MPPED2: variants seen among roughly 807,000 people sequenced by gnomAD.
MPPED2 encodes the protein metallophosphoesterase MPPED2.
MPPED2 carries 5 observed loss-of-function variants against 33.0 expected under a neutral mutation model. The ratio of observed to expected loss-of-function variants is 0.15; its 90% confidence interval spans 0.08 to 0.32. The LOEUF (loss-of-function observed/expected upper bound fraction) is 0.32, where lower values mean the gene tolerates loss of function less well. Ranked by LOEUF, MPPED2 falls within the 10% of genes least tolerant of loss-of-function variation. The pLI, the probability that MPPED2 is intolerant of heterozygous loss-of-function variation, is 1.00. For missense variants in MPPED2, 275 were observed against 372.1 expected, an observed-to-expected ratio of 0.74 and a Z score of 2.15; for synonymous variants, 136 against 141.9, an observed-to-expected ratio of 0.96 and a Z score of 0.29.
intron 4 of MPPED2, among the ~76,000 whole-genome samples, chr11:30,483,895 G>A (rs1411644705): frequency 2.6e-5 from 4 of 152,022 alleles, no homozygotes; most frequent in Non-Finnish European, 5.9e-5. Context: ...AATGTAGAGA[G>A]AAAAACAATA....
At chr11:30,407,256 T>C (rs182294699), downstream of MPPED2, among the ~76,000 whole-genome samples, 98 of 152,276 alleles carry the variant, frequency 6.4e-4, no homozygotes, top group Middle Eastern at 0.021. Context: ...AATTCACTAA[T>C]TGCACTAAAA....
intron 4 of MPPED2, among the ~76,000 whole-genome samples, chr11:30,427,796 T>A (rs965530075): frequency 2.0e-5 from 3 of 152,200 alleles, no homozygotes; most frequent in African/African-American, 7.2e-5. Context: ...GGAAAGATTA[T>A]GGGTGATGTG....
chr11:30,437,101 T>C (rs1273224075), intron 4 of MPPED2, among the ~76,000 whole-genome samples: 3 of 152,156 alleles, frequency 2.0e-5, no homozygotes, highest in Admixed American at 2.0e-4. Context: ...GTGGCCTCTA[T>C]CAGGAAATTA....
intron 4 of MPPED2, among the ~76,000 whole-genome samples, chr11:30,479,482 G>T (rs944903205): frequency 2.0e-5 from 3 of 152,024 alleles, no homozygotes; most frequent in African/African-American, 7.2e-5. Context: ...GAAAAGTAAG[G>T]CTTCCCTCCC....
chr11:30,508,038 A>G (rs1430385140), intron 3 of MPPED2, among the ~76,000 whole-genome samples: 1 of 152,152 alleles, frequency 6.6e-6, no homozygotes, highest in East Asian at 1.9e-4. Flanking sequence ...AAATTTATCA[A>G]GAGATAAATT....
chr11:30,410,316 A>G lies in MPPED2; in HGVS notation c.*1152T>C. ...AGAAACAACTGCTTTCCTAAATTTC[A>G]TTAACAAAGTAACATAAAATAGAAT... On this transcript the variant is annotated 3_prime_UTR_variant, in exon 7 of 7. Coordinates refer to ENST00000358117, the MANE Select transcript of MPPED2 (RefSeq NM_001584.3). 2 of 985,500 alleles carry G rather than the reference A, an allele frequency of 2.0e-6. No individual in the cohort carries two copies. The highest frequency in any genetic ancestry group is 1.2e-6 in the Non-Finnish European group (1 of 829,586). The allele number at this position is 985,500 out of a possible 1,614,324, so 61.0% of individuals were successfully genotyped here.
intron 6 of MPPED2, among the ~76,000 whole-genome samples, chr11:30,395,922 C>A (rs905720492): frequency 7.9e-5 from 12 of 152,224 alleles, no homozygotes; most frequent in South Asian, 2.1e-4. Flanking sequence ...TCCTCAAACA[C>A]TCTACACTGT....
intron 4 of MPPED2, among the ~76,000 whole-genome samples, chr11:30,453,492 C>T (rs1362788117): frequency 6.6e-6 from 1 of 152,174 alleles, no homozygotes; most frequent in South Asian, 2.1e-4. Context: ...TTCAAGACTG[C>T]CTGTTTTTGT....
At chr11:30,558,347 C>G (rs1204679281) in intron 2 of MPPED2, among the ~76,000 whole-genome samples, 1 of 152,008 alleles carries the variant, frequency 6.6e-6, no homozygotes. Context: ...TAAGAACTGC[C>G]TTACTTATAT....
rs528462364 is a variant in MPPED2 at position 30,466,816 on chromosome 11, T to C, written c.536+28480A>G. On this transcript the variant is annotated intron_variant, in intron 4 of 6. Transcript: ENST00000358117. ...AAATGCATTTGGAAGAGATAATTGT[T>C]AAGGCCTATACAAGCATAACATTTA... Among the ~76,000 whole-genome samples, 54 of 152,330 alleles carry C rather than the reference T, an allele frequency of 3.5e-4. 1 individual carries two copies. Among genetic ancestry groups the C allele is most frequent in the African/African-American group, 1.3e-3 (53 of 41,582 alleles).
At chr11:30,583,066 C>A (rs1026931286) in intron 1 of MPPED2, among the ~76,000 whole-genome samples, 3 of 150,342 alleles carry the variant, frequency 2.0e-5, no homozygotes, top group African/African-American at 7.4e-5. Context: ...CTATGTTCAT[C>A]CCCACCCGTA....
chr11:30,494,737 CA>C (rs767500886), intron 4 of MPPED2, among the ~76,000 whole-genome samples: 84 of 47,610 alleles, frequency 1.8e-3, no homozygotes, highest in African/African-American at 3.7e-3. Context: ...TACTCCACCT[CA>C]AAAAAAAAAA....
intron 4 of MPPED2, among the ~76,000 whole-genome samples, chr11:30,460,318 A>G (rs920872529): frequency 2.0e-5 from 3 of 152,060 alleles, no homozygotes; most frequent in Non-Finnish European, 4.4e-5. Context: ...ATGGAGAAAA[A>G]CCTTTACTGA....
intron 1 of MPPED2, among the ~76,000 whole-genome samples, chr11:30,583,158 T>C (rs1957265946): frequency 8.3e-6 from 1 of 120,834 alleles, no homozygotes; most frequent in Non-Finnish European, 1.7e-5. Context: ...TTTTTTTTTT[T>C]TTTTTTTGGT....
intron 1 of MPPED2, among the ~76,000 whole-genome samples, chr11:30,582,235 AT>A (rs1957200586): frequency 1.3e-5 from 2 of 152,222 alleles, no homozygotes; most frequent in African/African-American, 4.8e-5. Context: ...AAACTGCATA[AT>A]TGCGTCGCGC....
intron 4 of MPPED2, among the ~76,000 whole-genome samples, chr11:30,477,372 TA>T (rs1197702897): frequency 6.6e-6 from 1 of 152,166 alleles, no homozygotes; most frequent in Non-Finnish European, 1.5e-5. Context: ...TGTAGTCTTT[TA>T]TTAAACTGAT....
downstream of MPPED2, among the ~76,000 whole-genome samples, chr11:30,408,643 T>C (rs185937485): frequency 9.9e-4 from 150 of 152,250 alleles, no homozygotes; most frequent in African/African-American, 3.5e-3. Context: ...CATCAACTTA[T>C]CCAGTCCAGA....
At chr11:30,510,702 C>T (rs569363046) in intron 3 of MPPED2, among the ~76,000 whole-genome samples, 12 of 152,244 alleles carry the variant, frequency 7.9e-5, no homozygotes, top group East Asian at 3.9e-4. Context: ...TCTCTGAAAA[C>T]GGCTACTTTT....
chr11:30,570,173 A>G (rs1338296026), intron 2 of MPPED2, among the ~76,000 whole-genome samples: 1 of 152,112 alleles, frequency 6.6e-6, no homozygotes, highest in Non-Finnish European at 1.5e-5. Flanking sequence ...TGGAGATTGG[A>G]AAGTCCATGA....
Sources: allele counts gnomAD v4.1 joint callset (sites outside exome capture counted in the v4.1 genomes callset), GRCh38; gene constraint gnomAD v4.1.1; transcripts MANE v1.5; gene names NCBI Gene and HGNC (gene_info 2026-07-23, HGNC 2026-07-21).